Variants in JPH1 observed in about 807,000 individuals in gnomAD.
The protein encoded by JPH1 is junctophilin-1.
Under a neutral mutation model 53.6 loss-of-function variants are expected in JPH1, and 12 were observed. The observed-to-expected ratio is 0.22, with a 90% confidence interval of 0.14 to 0.36. The LOEUF is 0.36. JPH1 is among the 10% of genes least tolerant of loss of function. The probability of loss-of-function intolerance (pLI) is 1.00; values close to 1 mark genes in which losing one functional copy is unlikely to be tolerated. For missense variants in JPH1, 808 were observed against 905.5 expected, an observed-to-expected ratio of 0.89 and a Z score of 1.38; for synonymous variants, 375 against 363.8, an observed-to-expected ratio of 1.03 and a Z score of -0.35.
chr8:74,307,050 A>G (rs1807858010), intron 2 of JPH1, among the ~76,000 whole-genome samples: 1 of 152,170 alleles, frequency 6.6e-6, no homozygotes, highest in Admixed American at 6.5e-5. Flanking sequence ...GGTGCTGGAA[A>G]TGGGCTGTTT....
intron 2 of JPH1, among the ~76,000 whole-genome samples, chr8:74,262,087 C>T (rs967005413): frequency 3.3e-5 from 5 of 152,126 alleles, no homozygotes; most frequent in Admixed American, 6.5e-5. Flanking sequence ...ACCTTTCTAT[C>T]CAGCCCAGCT....
chr8:74,313,561 A>AG (rs1808055765), intron 2 of JPH1, among the ~76,000 whole-genome samples: 1 of 151,784 alleles, frequency 6.6e-6, no homozygotes, highest in African/African-American at 2.4e-5. Context: ...GAATTAAAAA[A>AG]AAAAGAACTC....
intron 2 of JPH1, among the ~76,000 whole-genome samples, chr8:74,298,315 C>T (rs1049160058): frequency 1.3e-5 from 2 of 152,178 alleles, no homozygotes; most frequent in African/African-American, 4.8e-5. Flanking sequence ...CCCTTGTATA[C>T]AGCTGGTTGT....
At chr8:74,288,798 C>A (rs1479788312) in intron 2 of JPH1, among the ~76,000 whole-genome samples, 2 of 152,180 alleles carry the variant, frequency 1.3e-5, no homozygotes, top group East Asian at 1.9e-4. Flanking sequence ...TTTGCACCAA[C>A]CTAATACTAA....
intron 2 of JPH1, among the ~76,000 whole-genome samples, chr8:74,291,360 A>T (rs1291371408): frequency 6.6e-6 from 1 of 152,270 alleles, no homozygotes; most frequent in Non-Finnish European, 1.5e-5. Flanking sequence ...TATGCAGCCA[A>T]CAGACACATG....
intron 2 of JPH1, among the ~76,000 whole-genome samples, chr8:74,260,471 T>C (rs1195324078): frequency 6.6e-6 from 1 of 152,244 alleles, no homozygotes; most frequent in East Asian, 1.9e-4. Flanking sequence ...TAGATGTTTA[T>C]GGGTACCTAT....
Position 74,321,241 on chromosome 8 carries a change from C to A in JPH1, c.47G>T (p.Gly16Val). 1 of 1,605,538 alleles carries A rather than the reference C, an allele frequency of 6.2e-7. No individual in the cohort carries two copies. Among genetic ancestry groups the A allele is most frequent in the Non-Finnish European group, 8.5e-7 (1 of 1,176,220 alleles). The change falls in exon 1 of 6, where the codon GGC (glycine) becomes GTC (valine). Residue 16 changes from glycine (G) to valine (V), a missense_variant. Coordinates refer to ENST00000342232, the MANE Select transcript of JPH1 (RefSeq NM_020647.4). The surrounding 1 kb of genome is among the most constrained non-coding windows in gnomAD (Gnocchi z 4.3). ...GTGCGCCTTGCCCTCCTCCCAGCCG[C>A]CGCAGTAGGTGCCGCCATCGTCGAA... ...FDFDDGGTYC[G>V]GWEEGKAHGH...
rs1807013785 is a variant in JPH1, at chr8:74,236,772, T to TA, written c.*278dup. The stretch of plus-strand genomic sequence containing the variant: ...CGGATGGGGCTGCTTCAGCAGATTT[T>TA]AAAAAAGAATTATTATTAAGTTTTG... On this transcript the variant is annotated 3_prime_UTR_variant, in exon 6 of 6. Transcript: ENST00000342232. 6.5e-6 allele frequency: 1 copy of TA among 153,926 alleles called. No homozygotes were observed. The highest frequency in any genetic ancestry group is 2.0e-4 in the South Asian group (1 of 4,884). The allele number at this position is 153,926 out of a possible 1,614,324, so 9.5% of individuals were successfully genotyped here.
chr8:74,259,646 T>A (rs1806336256), intron 2 of JPH1, 143 bp from the exon 3 acceptor site: 2 of 582,380 alleles, frequency 3.4e-6, no homozygotes, highest in South Asian at 5.0e-5. Context: ...AGAGTCCTAT[T>A]GCCGTGAAAT....
chr8:74,286,582 C>T (rs75609737), intron 2 of JPH1, among the ~76,000 whole-genome samples: 1,884 of 152,206 alleles, frequency 0.012, 38 homozygotes, highest in African/African-American at 0.043. Context: ...TTCCCCACTA[C>T]CTTCCCCTAC....
intron 2 of JPH1, among the ~76,000 whole-genome samples, chr8:74,302,484 T>C (rs762581419): frequency 1.3e-5 from 2 of 152,242 alleles, no homozygotes; most frequent in African/African-American, 2.4e-5. Flanking sequence ...ATATTTTCTA[T>C]GCTCTATTGA....
rs186448410 is a variant in JPH1 at position 74,250,125 on chromosome 8, C to T, written c.1259-4950G>A. ...GAAATTAAAAACAAAATGAATCTCT[C>T]GACTAAAAGGATTTTTTTTTTTTTT... On this transcript the variant is annotated intron_variant, in intron 3 of 5. Transcript: ENST00000342232. 1.1e-4 allele frequency among the ~76,000 whole-genome samples: 17 copies of T among 151,032 alleles called. No homozygotes were observed. The East Asian group carries it at 1.7e-3, about 16-fold the overall frequency.
chr8:74,277,669 T>A (rs1023881755), intron 2 of JPH1, among the ~76,000 whole-genome samples: 2 of 152,186 alleles, frequency 1.3e-5, no homozygotes, highest in African/African-American at 4.8e-5. Context: ...GAGTTTCTTA[T>A]CTGTGAAACG....
chr8:74,319,967 A>G (rs934645407), intron 1 of JPH1, among the ~76,000 whole-genome samples: 2 of 152,230 alleles, frequency 1.3e-5, no homozygotes, highest in Admixed American at 1.3e-4. Context: ...GTATATACAC[A>G]ATCTCTTTGG....
chr8:74,241,096 T>C (rs1805679993), intron 4 of JPH1, among the ~76,000 whole-genome samples: 1 of 152,216 alleles, frequency 6.6e-6, no homozygotes, highest in Non-Finnish European at 1.5e-5. Flanking sequence ...ATATTTCTCC[T>C]GTATATGTTC....
chr8:74,243,059 A>G (rs1805743816), intron 4 of JPH1, among the ~76,000 whole-genome samples: 1 of 152,200 alleles, frequency 6.6e-6, no homozygotes, highest in South Asian at 2.1e-4. Context: ...AAAGCCCACA[A>G]ATGGGTACCC....
At chr8:74,272,751 G>C (rs951440867) in intron 2 of JPH1, among the ~76,000 whole-genome samples, 32 of 151,858 alleles carry the variant, frequency 2.1e-4, no homozygotes, top group East Asian at 5.8e-4. Context: ...CTACAGGCGC[G>C]CGCCACCATG....
intron 1 of JPH1, among the ~76,000 whole-genome samples, chr8:74,319,753 A>G (rs548372609): frequency 6.6e-6 from 1 of 152,204 alleles, no homozygotes. Flanking sequence ...TCCAACTCTG[A>G]GCTGCTTAAT....
At chr8:74,308,345 C>T (rs1213162221) in intron 2 of JPH1, among the ~76,000 whole-genome samples, 1 of 152,136 alleles carries the variant, frequency 6.6e-6, no homozygotes, top group African/African-American at 2.4e-5. Context: ...CAATGTTGAC[C>T]TAATTAAGGA....
Sources: gnomAD v4.1 joint callset for allele counts (sites outside exome capture counted in the v4.1 genomes callset) on GRCh38, gnomAD v4.1.1 for gene constraint, Gnocchi (gnomAD v3.1) non-coding constraint, MANE v1.5 for transcripts, NCBI Gene and HGNC (gene_info 2026-07-23, HGNC 2026-07-21) for gene names.